Variants in SIN3B observed in about 807,000 individuals in gnomAD.
The protein encoded by SIN3B is paired amphipathic helix protein Sin3b.
In SIN3B, 19 loss-of-function variants were observed where a neutral mutation model predicts 120.2. The observed-to-expected ratio is 0.16, with a 90% CI of 0.11 to 0.23. SIN3B has a LOEUF of 0.23. Among genes scored for constraint, SIN3B ranks in the 10% least tolerant of loss-of-function variants. SIN3B has a pLI of 1.00. For missense variants in SIN3B, 1,073 were observed against 1,573.0 expected, an observed-to-expected ratio of 0.68 and a Z score of 5.38; for synonymous variants, 654 against 653.2, an observed-to-expected ratio of 1.00 and a Z score of -0.02.
chr19:16,875,002 T>A (rs1406115306), intron 14 of SIN3B, among the ~76,000 whole-genome samples: 8 of 151,646 alleles, frequency 5.3e-5, no homozygotes, highest in African/African-American at 1.2e-4. Context: ...TGGTTTGGTT[T>A]GGTTAGGTTT....
At position 16,857,551 on chromosome 19, in the gene SIN3B, G is replaced by GTGTGTGTGTGTGTGTA. The variant is rs1971633231; in HGVS notation, c.1058+3293_1058+3294insGTGTGTGTGTGTATGT. Among the ~76,000 whole-genome samples, 8 of 142,208 alleles carry GTGTGTGTGTGTGTGTA rather than the reference G, an allele frequency of 5.6e-5. 1 individual carries two copies. Among genetic ancestry groups the GTGTGTGTGTGTGTGTA allele is most frequent in the African/African-American group, 2.2e-4 (8 of 35,968 alleles). The allele number at this position is 142,208 out of a possible 152,430, so 93.3% of individuals were successfully genotyped here. The stretch of plus-strand genomic sequence containing the variant: ...TGTGTGTGTGTGTGTGTGTGTGTGT[G>GTGTGTGTGTGTGTGTA]TGTATATATACACATAAACATTTTT... On this transcript the variant is annotated intron_variant, in intron 8 of 18. Coordinates refer to ENST00000248054, the MANE Select transcript of SIN3B (RefSeq NM_001297595.2).
chr19:16,855,259 A>G (rs1020747205), intron 8 of SIN3B: 2 of 151,192 alleles, frequency 1.3e-5, no homozygotes, highest in African/African-American at 4.9e-5. Flanking sequence ...CTCCATCCCA[A>G]AACCCTGCCT....
chr19:16,854,849 T>C (rs1289471423), intron 8 of SIN3B: 1 of 152,290 alleles, frequency 6.6e-6, no homozygotes, highest in East Asian at 1.9e-4. Context: ...TTTTTACTCA[T>C]CTTTCTTATC....
At chr19:16,869,332 C>A in intron 12 of SIN3B, 128 bp from the exon 13 acceptor site, 1 of 1,259,402 alleles carries the variant, frequency 7.9e-7, no homozygotes, top group Non-Finnish European at 1.1e-6. Flanking sequence ...CGATGTTCGC[C>A]ACCCATCCTG....
chr19:16,844,468 G>A (rs1971455782), intron 4 of SIN3B, among the ~76,000 whole-genome samples: 1 of 152,194 alleles, frequency 6.6e-6, no homozygotes, highest in Non-Finnish European at 1.5e-5. Context: ...AACCAGTTCA[G>A]GCACAAGCCT....
rs1181463537 is a variant in SIN3B, at chr19:16,880,076, C to T, written c.*1349C>T. ...CCAAGTGTCACACAGGCACTTTGTA[C>T]ACATCCTGGTTTTCTAAGAAGGGAA... On this transcript the variant is annotated 3_prime_UTR_variant, in exon 19 of 19. Transcript: ENST00000248054. 6.6e-6 allele frequency: 1 copy of T among 152,288 alleles called. No homozygotes were observed. The highest frequency in any genetic ancestry group is 1.5e-5 in the Non-Finnish European group (1 of 68,076). 9.4% of individuals were successfully genotyped at this position (152,288 alleles called of 1,614,324 possible). A position where few individuals can be genotyped will look rare whatever the true frequency, so the allele number is the denominator to read the frequency against.
In SIN3B at chr19:16,871,467, G is replaced by A. The variant is rs113592958; in HGVS notation, c.2592+69G>A. Reference sequence around the variant, plus strand: ...TGGCTCTACCATCATTTCACTCCCCGCTCGGGAGGGGGCCCGTGGTCAGCA... The same window carrying A: ...TGGCTCTACCATCATTTCACTCCCCACTCGGGAGGGGGCCCGTGGTCAGCA... On this transcript the variant is annotated intron_variant, in intron 14 of 18. Coordinates refer to ENST00000248054, the MANE Select transcript of SIN3B (RefSeq NM_001297595.2). 6.3e-4 allele frequency: 914 copies of A among 1,445,108 alleles called. 3 individuals carry two copies. In the African/African-American group the frequency reaches 0.01, roughly 16 times the overall value. 89.5% of individuals were successfully genotyped at this position (1,445,108 alleles called of 1,614,324 possible).
intron 3 of SIN3B, among the ~76,000 whole-genome samples, chr19:16,838,970 C>CTTTTT (rs34648986): frequency 1.2e-5 from 1 of 86,586 alleles, no homozygotes; most frequent in Non-Finnish European, 2.1e-5. Flanking sequence ...CCGCGCCTGG[C>CTTTTT]TTTTTTTTTT....
rs1219368058 is a variant in SIN3B, at chr19:16,870,093, GCCGGGAGGCC to G, written c.2422+24_2422+33del. On this transcript the variant is annotated intron_variant, in intron 13 of 18. Transcript: ENST00000248054. ...GCAGCCCAGTAAGGCTCCAAAGCCTGCCGGGAGGCCCCGGGGGGTGCCTGGGGTTAGGGGT... is the reference window on the plus strand; with the variant it reads ...GCAGCCCAGTAAGGCTCCAAAGCCTGCCGGGGGGTGCCTGGGGTTAGGGGT... The G allele has an allele frequency of 2.6e-6, 4 of 1,562,762 alleles. No homozygotes were observed. The East Asian group carries it at 9.3e-5, about 36-fold the overall frequency.
chr19:16,841,876 A>G lies in SIN3B; in HGVS notation c.490A>G (p.Asn164Asp), dbSNP rs760524139. The change falls in exon 4 of 19, where the codon AAC becomes GAC. Residue 164 changes from asparagine (N) to aspartate (D), a missense_variant. Coordinates refer to ENST00000248054, the MANE Select transcript of SIN3B (RefSeq NM_001297595.2). Reference protein sequence around the residue: ...PLESDSVEFNNAISYVNKIKT... With the variant: ...PLESDSVEFNDAISYVNKIKT... ...GGAGTCCGATTCCGTGGAATTCAACAACGCCATCAGCTATGTGAATAAGAT... is the reference window on the plus strand; with the variant it reads ...GGAGTCCGATTCCGTGGAATTCAACGACGCCATCAGCTATGTGAATAAGAT... 4 of 1,614,178 alleles carry G rather than the reference A, an allele frequency of 2.5e-6. No individual in the cohort carries two copies. The highest frequency in any genetic ancestry group is 8.5e-7 in the Non-Finnish European group (1 of 1,180,028).
rs367576931 is a variant in SIN3B at position 16,878,715 on chromosome 19, G to C, written c.3381G>C (p.Pro1127=). 1 of 1,601,808 alleles carries C rather than the reference G, an allele frequency of 6.2e-7. No homozygotes were observed. Among genetic ancestry groups the C allele is most frequent in the South Asian group, 1.1e-5 (1 of 89,786 alleles). Residue 1127 remains proline, a synonymous_variant, in exon 19 of 19, where the codon CCG becomes CCC. Transcript: ENST00000248054. ...TRYRVQYSRR[P]ASP is the part of the protein sequence containing the mutation. Reference sequence around the variant, plus strand: ...ACCGCGTGCAGTACAGCCGCCGCCCGGCCTCGCCCTGACCCGCCCTCATGG... The same window carrying C: ...ACCGCGTGCAGTACAGCCGCCGCCCCGCCTCGCCCTGACCCGCCCTCATGG...
rs780284667 is a variant in SIN3B, at chr19:16,862,844, T to C, written c.1266+285T>C. 4.1e-6 allele frequency: 6 copies of C among 1,471,328 alleles called. No homozygotes were observed. Among genetic ancestry groups the C allele is most frequent in the African/African-American group, 1.4e-5 (1 of 72,194 alleles). 91.1% of individuals were successfully genotyped at this position (1,471,328 alleles called of 1,614,324 possible). ...AGGTTTATTGCTGCCATGATTCTGC[T>C]CTGTCCCGGGCTCACTGACCTCAGT... On this transcript the variant is annotated intron_variant, in intron 9 of 18. Transcript: ENST00000248054. This position sits in a 1 kb window ranked among gnomAD's most constrained non-coding sequence, Gnocchi z 4.7.
intron 4 of SIN3B, among the ~76,000 whole-genome samples, chr19:16,844,822 G>A (rs1971460183): frequency 6.6e-6 from 1 of 152,228 alleles, no homozygotes. Context: ...GGATCTGGTG[G>A]CAGCCTGTGA....
chr19:16,862,819 A>C lies in SIN3B; in HGVS notation c.1266+260A>C. 1 of 1,294,494 alleles carries C rather than the reference A, an allele frequency of 7.7e-7. No individual in the cohort carries two copies. The highest frequency in any genetic ancestry group is 1.1e-6 in the Non-Finnish European group (1 of 892,604). The allele number at this position is 1,294,494 out of a possible 1,614,324, so 80.2% of individuals were successfully genotyped here. On this transcript the variant is annotated intron_variant, in intron 9 of 18. Coordinates refer to ENST00000248054, the MANE Select transcript of SIN3B (RefSeq NM_001297595.2). The surrounding 1 kb of genome is among the most constrained non-coding windows in gnomAD (Gnocchi z 4.7). ...GGCTTATTCATCTGTTATTTGACTT[A>C]GGTTTATTGCTGCCATGATTCTGCT...
At chr19:16,847,808 G>A (rs1453399075) in intron 5 of SIN3B, among the ~76,000 whole-genome samples, 1 of 152,212 alleles carries the variant, frequency 6.6e-6, no homozygotes, top group Non-Finnish European at 1.5e-5. Flanking sequence ...TCCATGGCAT[G>A]TGGTACATCC....
At position 16,846,999 on chromosome 19, in the gene SIN3B, A is replaced by G; in HGVS notation, c.612A>G (p.Pro204=). The part of the protein sequence containing the change: ...QKEQLNTRGR[P]FRGMSEEEVF... ...AGCAGCTGAACACGAGGGGCCGGCCATTCCGAGGCATGTCTGAAGAGGAGG... is the reference window on the plus strand; with the variant it reads ...AGCAGCTGAACACGAGGGGCCGGCCGTTCCGAGGCATGTCTGAAGAGGAGG... Residue 204 remains proline, a synonymous_variant, in exon 5 of 19, where the codon CCA becomes CCG. Coordinates refer to ENST00000248054, the MANE Select transcript of SIN3B (RefSeq NM_001297595.2). 1 of 1,614,178 alleles carries G rather than the reference A, an allele frequency of 6.2e-7. No individual in the cohort carries two copies. Among genetic ancestry groups the G allele is most frequent in the Non-Finnish European group, 8.5e-7 (1 of 1,180,004 alleles).
chr19:16,851,590 C>A, intron 6 of SIN3B, 56 bp downstream of exon 6: 2 of 1,516,570 alleles, frequency 1.3e-6, no homozygotes, highest in South Asian at 1.3e-5. Context: ...GCAAATCGGG[C>A]CTTCCCAGCA....
At position 16,876,475 on chromosome 19, in the gene SIN3B, C is replaced by T; in HGVS notation, c.2767-11C>T. On this transcript the variant is annotated splice_polypyrimidine_tract_variant and intron_variant, in intron 15 of 18. Coordinates refer to ENST00000248054, the MANE Select transcript of SIN3B (RefSeq NM_001297595.2). This position sits in a 1 kb window ranked among gnomAD's most constrained non-coding sequence, Gnocchi z 7.1. ...CCGGCAGTGGAGGCTGTCAGCGTTCCTGCTCCGCAGGTGATGTTCCTGCAG... is the reference window on the plus strand; with the variant it reads ...CCGGCAGTGGAGGCTGTCAGCGTTCTTGCTCCGCAGGTGATGTTCCTGCAG... 6.2e-7 allele frequency: 1 copy of T among 1,611,780 alleles called. No homozygotes were observed. The highest frequency in any genetic ancestry group is 8.5e-7 in the Non-Finnish European group (1 of 1,179,002).
Position 16,879,395 on chromosome 19 carries a change from C to A in SIN3B, c.*668C>A, listed in dbSNP as rs2051662841. ...CCCCGCTCTGGATAAGACACCCAAC[C>A]CCAACTCCAGCAGCTGGACTCTGGG... On this transcript the variant is annotated 3_prime_UTR_variant, in exon 19 of 19. Coordinates refer to ENST00000248054, the MANE Select transcript of SIN3B (RefSeq NM_001297595.2). 1.3e-5 allele frequency: 2 copies of A among 152,312 alleles called. No homozygotes were observed. Among genetic ancestry groups the A allele is most frequent in the South Asian group, 2.1e-4 (1 of 4,826 alleles). The allele number at this position is 152,312 out of a possible 1,614,324, so 9.4% of individuals were successfully genotyped here. A position where few individuals can be genotyped will look rare whatever the true frequency, so the allele number is the denominator to read the frequency against.
Sources: gnomAD v4.1 joint callset for allele counts (sites outside exome capture counted in the v4.1 genomes callset) on GRCh38, gnomAD v4.1.1 for gene constraint, Gnocchi (gnomAD v3.1) non-coding constraint, MANE v1.5 for transcripts, NCBI Gene and HGNC (gene_info 2026-07-23, HGNC 2026-07-21) for gene names.